The following LPAR3 variants were observed in gnomAD, a reference collection of about 807,000 sequenced individuals.
LPAR3 encodes lysophosphatidic acid receptor 3.
Under a neutral mutation model 17.8 loss-of-function variants are expected in LPAR3, and 7 were observed. That is an observed-to-expected ratio of 0.39 (90% CI 0.22 to 0.74). The LOEUF is 0.74. LPAR3 is among the 30% of genes least tolerant of loss of function. The pLI is 0.40. For synonymous variants in LPAR3, 179 were observed against 179.9 expected (o/e 0.99, Z 0.04); for missense variants, 391 against 453.4 (o/e 0.86, Z 1.25).
intron 2 of LPAR3, among the ~76,000 whole-genome samples, chr1:84,833,097 G>A (rs943220583): frequency 6.6e-6 from 1 of 152,124 alleles, no homozygotes. Flanking sequence ...TCAGGATACA[G>A]GAGAAATCAA....
intron 1 of LPAR3, among the ~76,000 whole-genome samples, chr1:84,878,920 T>C (rs1255592009): frequency 1.3e-5 from 2 of 152,322 alleles, no homozygotes; most frequent in African/African-American, 4.8e-5. Context: ...CTGACTACTA[T>C]AGTGTTCCCT....
At chr1:84,857,210 T>C (rs72718734) in intron 2 of LPAR3, among the ~76,000 whole-genome samples, 7,169 of 152,254 alleles carry the variant, frequency 0.047, 279 homozygotes, top group African/African-American at 0.1. Flanking sequence ...AAGGGCATTC[T>C]GCTTGAATAC....
intron 1 of LPAR3, among the ~76,000 whole-genome samples, chr1:84,869,223 T>C (rs751125645): frequency 3.9e-5 from 6 of 152,212 alleles, no homozygotes; most frequent in Non-Finnish European, 7.3e-5. Flanking sequence ...ACTTCAAAAA[T>C]CTTCAAATTC....
At chr1:84,860,903 T>TA (rs1044804667) in intron 2 of LPAR3, among the ~76,000 whole-genome samples, 1 of 152,058 alleles carries the variant, frequency 6.6e-6, no homozygotes, top group African/African-American at 2.4e-5. Context: ...CAAACCCAGC[T>TA]AATTTTTGTA....
chr1:84,816,245 T>G (rs943072627), intron 2 of LPAR3, among the ~76,000 whole-genome samples: 3 of 152,164 alleles, frequency 2.0e-5, no homozygotes, highest in Non-Finnish European at 4.4e-5. Flanking sequence ...TATTAGTAAG[T>G]TTTTAGCCAT....
chr1:84,850,414 A>G (rs1396365773), intron 2 of LPAR3, among the ~76,000 whole-genome samples: 35 of 150,906 alleles, frequency 2.3e-4, no homozygotes, highest in Non-Finnish European at 4.0e-4. Context: ...AAAAAAAAAA[A>G]AAAGAAAAAG....
chr1:84,865,492 T>C lies in LPAR3; in HGVS notation c.629A>G (p.Tyr210Cys). The change falls in exon 2 of 3, where the codon TAC becomes TGC. Residue 210 changes from tyrosine to cysteine, a missense_variant. Tyr to Cys is a radical substitution (Grantham distance 194). Transcript: ENST00000370611. ...GTTGGTTTTCCTCTTGACGTACACGTAGATCCGCAGGTACACCACAACCAT... is the reference window on the plus strand; with the variant it reads ...GTTGGTTTTCCTCTTGACGTACACGCAGATCCGCAGGTACACCACAACCAT... ...LIMVVVYLRI[Y>C]VYVKRKTNVL... is the part of the protein sequence containing the mutation. 1 of 1,614,122 alleles carries C rather than the reference T, an allele frequency of 6.2e-7. No individual in the cohort carries two copies. The highest frequency in any genetic ancestry group is 8.5e-7 in the Non-Finnish European group (1 of 1,180,042).
At chr1:84,841,005 T>C (rs796655503) in intron 2 of LPAR3, among the ~76,000 whole-genome samples, 2 of 152,374 alleles carry the variant, frequency 1.3e-5, no homozygotes, top group African/African-American at 4.8e-5. Flanking sequence ...GCCAAAGCCT[T>C]GATCCTCATG....
intron 2 of LPAR3, among the ~76,000 whole-genome samples, chr1:84,847,702 G>A (rs527477117): frequency 6.6e-6 from 1 of 152,266 alleles, no homozygotes; most frequent in South Asian, 2.1e-4. Context: ...TGATGCCAGG[G>A]TCCTCCTCAA....
At chr1:84,857,488 C>T (rs540939192) in intron 2 of LPAR3, among the ~76,000 whole-genome samples, 1 of 152,096 alleles carries the variant, frequency 6.6e-6, no homozygotes, top group Non-Finnish European at 1.5e-5. Flanking sequence ...ACTCCAAAGC[C>T]CCTATTCTTA....
chr1:84,848,129 A>G lies in LPAR3; in HGVS notation c.736+17256T>C, dbSNP rs538184802. ...CTTCCCTCTACTGAACTGTCCAACAAGCCTGGCCACAGCCTGCCAGTCACC... is the reference window on the plus strand; with the variant it reads ...CTTCCCTCTACTGAACTGTCCAACAGGCCTGGCCACAGCCTGCCAGTCACC... On this transcript the variant is annotated intron_variant, in intron 2 of 2. Coordinates refer to ENST00000370611, the MANE Select transcript of LPAR3 (RefSeq NM_012152.3). Among the ~76,000 whole-genome samples the G allele has an allele frequency of 1.2e-4, 18 of 152,304 alleles. No individual in the cohort carries two copies. In the East Asian group the frequency reaches 3.3e-3, roughly 28 times the overall value.
In LPAR3 at chr1:84,813,126, A is replaced by AAAATAT. The variant is rs1250887294; in HGVS notation, c.*719_*720insATATTT. On this transcript the variant is annotated 3_prime_UTR_variant, in exon 3 of 3. Transcript: ENST00000370611. The stretch of plus-strand genomic sequence containing the variant: ...ATCAATAAAAATCAGTAAAAACAGG[A>AAAATAT]ATATATATATATATATATATATATA... 4.2e-5 allele frequency: 3 copies of AAAATAT among 71,598 alleles called. No individual in the cohort carries two copies. The highest frequency in any genetic ancestry group is 3.1e-4 in the Admixed American group (2 of 6,554). 4.4% of individuals were successfully genotyped at this position (71,598 alleles called of 1,614,324 possible).
At chr1:84,881,071 G>A (rs1660356495) in intron 1 of LPAR3, among the ~76,000 whole-genome samples, 1 of 152,212 alleles carries the variant, frequency 6.6e-6, no homozygotes, top group Non-Finnish European at 1.5e-5. Context: ...CTGAATAGTG[G>A]ATGTTTGTCA....
intron 2 of LPAR3, among the ~76,000 whole-genome samples, chr1:84,843,598 C>A (rs570319267): frequency 6.6e-6 from 1 of 152,346 alleles, no homozygotes; most frequent in South Asian, 2.1e-4. Context: ...AAACGCCACA[C>A]CTGCTGGGTG....
chr1:84,849,006 C>A (rs977785100), intron 2 of LPAR3, among the ~76,000 whole-genome samples: 1 of 152,142 alleles, frequency 6.6e-6, no homozygotes, highest in African/African-American at 2.4e-5. Flanking sequence ...CTGTAAGATG[C>A]CCTAGAACCA....
At chr1:84,861,924 C>A (rs1168808197) in intron 2 of LPAR3, among the ~76,000 whole-genome samples, 1 of 152,188 alleles carries the variant, frequency 6.6e-6, no homozygotes, top group African/African-American at 2.4e-5. Context: ...TTTCTTTTAA[C>A]CCCTTCCGTA....
chr1:84,829,099 C>T (rs528523776), intron 2 of LPAR3, among the ~76,000 whole-genome samples: 1 of 148,960 alleles, frequency 6.7e-6, no homozygotes, highest in African/African-American at 2.5e-5. Flanking sequence ...CCCAGCCCAG[C>T]AGCCATTCCC....
At chr1:84,821,801 T>C (rs1055969145) in intron 2 of LPAR3, among the ~76,000 whole-genome samples, 14 of 152,054 alleles carry the variant, frequency 9.2e-5, no homozygotes, top group Admixed American at 2.0e-4. Flanking sequence ...CTGATGAATA[T>C]TTGGATCTAG....
At chr1:84,876,716 C>T (rs1235900968) in intron 1 of LPAR3, among the ~76,000 whole-genome samples, 4 of 152,174 alleles carry the variant, frequency 2.6e-5, no homozygotes, top group African/African-American at 9.7e-5. Flanking sequence ...AGTTGTCTTT[C>T]AAAGTACATT....
Sources: gnomAD v4.1 joint callset for allele counts (sites outside exome capture counted in the v4.1 genomes callset) on GRCh38, gnomAD v4.1.1 for gene constraint, MANE v1.5 for transcripts, NCBI Gene and HGNC (gene_info 2026-07-23, HGNC 2026-07-21) for gene names.